Variants in CTNNA3 observed in about 807,000 individuals in gnomAD.
CTNNA3 encodes the protein catenin alpha 3.
Under a neutral mutation model 95.7 loss-of-function variants are expected in CTNNA3, and 76 were observed. The ratio of observed to expected loss-of-function variants is 0.79; its 90% confidence interval spans 0.66 to 0.96. The LOEUF is 0.96. Ranked by LOEUF, CTNNA3 falls within the 40% of genes least tolerant of loss-of-function variation. The pLI, the probability that CTNNA3 is intolerant of heterozygous loss-of-function variation, is 0.00. For synonymous variants in CTNNA3, 431 were observed against 374.4 expected (o/e 1.15, Z -1.74); for missense variants, 1,191 against 1,089.8 (o/e 1.09, Z -1.31).
At chr10:65,942,161 C>T (rs78715612) in intron 17 of CTNNA3, among the ~76,000 whole-genome samples, 2,551 of 152,182 alleles carry the variant, frequency 0.017, 53 homozygotes, top group African/African-American at 0.058. Flanking sequence ...ATTAAAATAA[C>T]ATTTAGGGTT....
intron 1 of CTNNA3, among the ~76,000 whole-genome samples, chr10:67,746,313 C>T (rs902486199): frequency 5.3e-5 from 8 of 152,006 alleles, no homozygotes; most frequent in African/African-American, 1.9e-4. Flanking sequence ...TAAGAACATA[C>T]AGTGGGGAAA....
intron 9 of CTNNA3, among the ~76,000 whole-genome samples, chr10:66,685,233 ATATATGTGTG>A (rs1447774523): frequency 2.5e-4 from 35 of 139,340 alleles, no homozygotes; most frequent in African/African-American, 9.3e-4. Context: ...ATATATACGT[ATATATGTGTG>A]TATATATACG....
chr10:67,390,161 G>C (rs1844393939), intron 5 of CTNNA3, among the ~76,000 whole-genome samples: 1 of 152,132 alleles, frequency 6.6e-6, no homozygotes, highest in Non-Finnish European at 1.5e-5. Context: ...TAGACCACTA[G>C]CATGACTAAT....
intron 1 of CTNNA3, among the ~76,000 whole-genome samples, chr10:67,649,244 C>T (rs1211485692): frequency 1.3e-5 from 2 of 152,186 alleles, no homozygotes; most frequent in South Asian, 2.1e-4. Context: ...GGTGAACCTT[C>T]GCAGCCTTTA....
chr10:66,885,044 A>C (rs1301622430), intron 7 of CTNNA3, among the ~76,000 whole-genome samples: 2 of 152,182 alleles, frequency 1.3e-5, no homozygotes, highest in Admixed American at 6.5e-5. Context: ...AGGGCACCCA[A>C]GAACCTGAAG....
intron 5 of CTNNA3, among the ~76,000 whole-genome samples, chr10:67,301,915 G>A (rs1394067880): frequency 6.6e-6 from 1 of 151,208 alleles, no homozygotes; most frequent in East Asian, 2.0e-4. Flanking sequence ...CTTGCAGTGA[G>A]CGGAGATCGC....
intron 1 of CTNNA3, among the ~76,000 whole-genome samples, chr10:67,659,265 T>C (rs993451253): frequency 6.6e-6 from 1 of 152,188 alleles, no homozygotes; most frequent in African/African-American, 2.4e-5. Context: ...TAATTCAATT[T>C]CTGACTTACC....
chr10:67,676,440 T>C (rs939007451), intron 1 of CTNNA3, among the ~76,000 whole-genome samples: 15 of 152,304 alleles, frequency 9.8e-5, no homozygotes, highest in Non-Finnish European at 1.0e-4. Context: ...TCCACTTCAA[T>C]AGTTTTGGGT....
At chr10:67,199,401 G>T (rs1474168749) in intron 6 of CTNNA3, among the ~76,000 whole-genome samples, 1 of 151,478 alleles carries the variant, frequency 6.6e-6, no homozygotes, top group African/African-American at 2.4e-5. Flanking sequence ...ATGGAGTTTC[G>T]CTCTGTTGCC....
chr10:66,116,628 A>G (rs927634480), intron 13 of CTNNA3, among the ~76,000 whole-genome samples: 5 of 152,212 alleles, frequency 3.3e-5, no homozygotes, highest in African/African-American at 1.2e-4. Context: ...AAATAAAAAC[A>G]CATACTGTAT....
intron 13 of CTNNA3, among the ~76,000 whole-genome samples, chr10:66,211,423 G>A (rs2088147579): frequency 6.6e-6 from 1 of 152,154 alleles, no homozygotes; most frequent in African/African-American, 2.4e-5. Context: ...AACAAAAAAG[G>A]AAGACTGGGA....
At chr10:66,653,538 C>G (rs1300411213) in intron 9 of CTNNA3, among the ~76,000 whole-genome samples, 2 of 151,970 alleles carry the variant, frequency 1.3e-5, no homozygotes, top group Non-Finnish European at 2.9e-5. Context: ...TCCAAGCAAT[C>G]TACATATTCA....
intron 1 of CTNNA3, among the ~76,000 whole-genome samples, chr10:67,692,064 A>AGG: frequency 8.1e-6 from 1 of 122,894 alleles, no homozygotes; most frequent in Admixed American, 8.1e-5. Flanking sequence ...TCCGGGAGGG[A>AGG]GGTGGGGGGG....
At chr10:66,859,323 AAAAC>A (rs564409286) in intron 7 of CTNNA3, among the ~76,000 whole-genome samples, 119 of 152,098 alleles carry the variant, frequency 7.8e-4, no homozygotes, top group African/African-American at 2.7e-3. Context: ...TTACAAGAAA[AAAAC>A]AAACAACCCC....
intron 11 of CTNNA3, among the ~76,000 whole-genome samples, chr10:66,390,923 C>T (rs1324887170): frequency 1.3e-5 from 2 of 152,058 alleles, no homozygotes; most frequent in Admixed American, 6.6e-5. Context: ...TCTCTTCTTT[C>T]CAAAGTCTTA....
intron 11 of CTNNA3, among the ~76,000 whole-genome samples, chr10:66,486,440 C>T (rs916817688): frequency 1.3e-5 from 2 of 151,998 alleles, no homozygotes; most frequent in Non-Finnish European, 2.9e-5. Context: ...AGATATATGA[C>T]AGAATGCTCA....
chr10:67,311,533 A>G (rs1480335455), intron 5 of CTNNA3, among the ~76,000 whole-genome samples: 1 of 152,212 alleles, frequency 6.6e-6, no homozygotes, highest in Admixed American at 6.5e-5. Context: ...TAGAAATCTT[A>G]TATTTCAATT....
At chr10:66,421,897 GATATATATAT>G (rs35513829) in intron 11 of CTNNA3, among the ~76,000 whole-genome samples, 1 of 108,150 alleles carries the variant, frequency 9.2e-6, no homozygotes, top group Non-Finnish European at 1.9e-5. Context: ...TAATAAATGT[GATATATATAT>G]ATATATATAC....
intron 5 of CTNNA3, among the ~76,000 whole-genome samples, chr10:67,373,119 T>C (rs1422385796): frequency 2.6e-5 from 4 of 152,102 alleles, no homozygotes; most frequent in Non-Finnish European, 5.9e-5. Flanking sequence ...GATTCACACA[T>C]AACAATATTA....
Sources: gnomAD v4.1 joint callset for allele counts (sites outside exome capture counted in the v4.1 genomes callset) on GRCh38, gnomAD v4.1.1 for gene constraint, MANE v1.5 for transcripts, NCBI Gene and HGNC (gene_info 2026-07-23, HGNC 2026-07-21) for gene names.